Variants in MARVELD3 observed in about 807,000 individuals in gnomAD.
The protein encoded by MARVELD3 is MARVEL domain-containing protein 3.
In MARVELD3, 28 loss-of-function variants were observed where a neutral mutation model predicts 33.5. That is an observed-to-expected ratio of 0.84 (90% CI 0.62 to 1.15). MARVELD3 has a LOEUF of 1.15. Ranked by LOEUF, MARVELD3 falls within the 50% of genes most tolerant of loss-of-function variation. The pLI is 0.00. For missense variants in MARVELD3, 582 were observed against 547.6 expected (o/e 1.06, Z -0.63); for synonymous variants, 241 against 230.4 (o/e 1.05, Z -0.42).
intron 2 of MARVELD3, among the ~76,000 whole-genome samples, chr16:71,630,657 A>G (rs935530762): frequency 1.3e-5 from 2 of 150,178 alleles, no homozygotes; most frequent in Non-Finnish European, 3.0e-5. Flanking sequence ...AAATATATGT[A>G]TATATATATA....
At position 71,626,652 on chromosome 16, in the gene MARVELD3, G is replaced by A. The variant is rs2044475382; in HGVS notation, c.423G>A (p.Pro141=). 6.5e-7 allele frequency: 1 copy of A among 1,533,374 alleles called. No homozygotes were observed. The allele number at this position is 1,533,374 out of a possible 1,614,324, so 95.0% of individuals were successfully genotyped here. ...GPAPWEAPEP[P]QPQRKGDPGR... The stretch of plus-strand genomic sequence containing the variant: ...CGCCCTGGGAAGCCCCGGAGCCGCC[G>A]CAGCCGCAGAGGAAGGGAGACCCCG... The change falls in exon 1 of 3, where the codon CCG becomes CCA. Residue 141 remains proline, a synonymous_variant. Transcript: ENST00000268485. The surrounding 1 kb of genome is among the most constrained non-coding windows in gnomAD (Gnocchi z 5.3).
chr16:71,634,879 T>C lies in MARVELD3; in HGVS notation c.*76T>C. On this transcript the variant is annotated 3_prime_UTR_variant, in exon 3 of 3. Transcript: ENST00000268485. ...AGCCACTGCCTTTCCCAAGAATCCCTTGTTGTGGAAGTTTCCAGTGCTGGA... is the reference window on the plus strand; with the variant it reads ...AGCCACTGCCTTTCCCAAGAATCCCCTGTTGTGGAAGTTTCCAGTGCTGGA... 1 of 1,517,574 alleles carries C rather than the reference T, an allele frequency of 6.6e-7. No homozygotes were observed. The highest frequency in any genetic ancestry group is 2.3e-5 in the East Asian group (1 of 44,076). The allele number at this position is 1,517,574 out of a possible 1,614,324, so 94.0% of individuals were successfully genotyped here. A position where few individuals can be genotyped will look rare whatever the true frequency, so the allele number is the denominator to read the frequency against.
intron 2 of MARVELD3, among the ~76,000 whole-genome samples, chr16:71,630,559 G>A (rs1054172170): frequency 1.3e-5 from 2 of 151,588 alleles, no homozygotes; most frequent in African/African-American, 4.8e-5. Flanking sequence ...GGGAGGCGGA[G>A]GTTGCAGTGA....
chr16:71,633,497 G>A (rs1426025840), intron 2 of MARVELD3, among the ~76,000 whole-genome samples: 1 of 152,058 alleles, frequency 6.6e-6, no homozygotes, highest in African/African-American at 2.4e-5. Context: ...GGGTTCAAGT[G>A]ATTCTCCTAC....
chr16:71,630,655 G>A (rs1330340618), intron 2 of MARVELD3, among the ~76,000 whole-genome samples: 4 of 148,486 alleles, frequency 2.7e-5, no homozygotes, highest in Non-Finnish European at 6.0e-5. Flanking sequence ...TAAAATATAT[G>A]TATATATATA....
Position 71,634,895 on chromosome 16 carries a change from C to T in MARVELD3, c.*92C>T, listed in dbSNP as rs2044569037. Reference sequence around the variant, plus strand: ...AAGAATCCCTTGTTGTGGAAGTTTCCAGTGCTGGAAAAGCAGCGAGCCAGC... The same window carrying T: ...AAGAATCCCTTGTTGTGGAAGTTTCTAGTGCTGGAAAAGCAGCGAGCCAGC... On this transcript the variant is annotated 3_prime_UTR_variant, in exon 3 of 3. Transcript: ENST00000268485. The T allele has an allele frequency of 6.6e-7, 1 of 1,509,658 alleles. No individual in the cohort carries two copies. The highest frequency in any genetic ancestry group is 2.3e-5 in the Admixed American group (1 of 42,606). The allele number at this position is 1,509,658 out of a possible 1,614,324, so 93.5% of individuals were successfully genotyped here.
chr16:71,634,428 T>A lies in MARVELD3; in HGVS notation c.831T>A (p.Ser277Arg). Reference sequence around the variant, plus strand: ...TGGTCACTGTGGCAATGGCCTGTAGTGGAGCCCTCACAGCCCTCTGCTGCC... The same window carrying A: ...TGGTCACTGTGGCAATGGCCTGTAGAGGAGCCCTCACAGCCCTCTGCTGCC... ...LPMVTVAMAC[S>R]GALTALCCLF... Residue 277 changes from serine to arginine, a missense_variant, in exon 3 of 3, where the codon AGT (serine) becomes AGA (arginine). Ser to Arg is a moderately radical substitution (Grantham distance 110). Transcript: ENST00000268485. 1 of 1,614,248 alleles carries A rather than the reference T, an allele frequency of 6.2e-7. No individual in the cohort carries two copies.
At chr16:71,634,138 AG>A in intron 2 of MARVELD3, 54 bp from the exon 3 acceptor site, 2 of 1,552,650 alleles carry the variant, frequency 1.3e-6, no homozygotes, top group Non-Finnish European at 8.7e-7. Flanking sequence ...CAGGTGGAAG[AG>A]TCTCCTGGTG....
chr16:71,640,890 C>G (rs775173002), downstream of MARVELD3: 2 of 1,614,198 alleles, frequency 1.2e-6, no homozygotes, highest in South Asian at 1.1e-5. Flanking sequence ...CTTTGCTTGT[C>G]TTCTCGTGAT....
downstream of MARVELD3, among the ~76,000 whole-genome samples, chr16:71,637,048 T>C (rs553812291): frequency 6.6e-6 from 1 of 152,244 alleles, no homozygotes; most frequent in Admixed American, 6.5e-5. Flanking sequence ...CCCTGCCCCA[T>C]GTGTCTTTCT....
At chr16:71,636,951 C>A (rs1319508897), downstream of MARVELD3, among the ~76,000 whole-genome samples, 1 of 152,200 alleles carries the variant, frequency 6.6e-6, no homozygotes, top group African/African-American at 2.4e-5. Flanking sequence ...CTTCCCTCTA[C>A]CAAACCCTCT....
downstream of MARVELD3, chr16:71,637,991 G>T (rs890460681): frequency 2.0e-5 from 3 of 152,056 alleles, no homozygotes; most frequent in Non-Finnish European, 2.9e-5. Context: ...TTGTCATATT[G>T]TCTGAGGCTT....
intron 2 of MARVELD3, among the ~76,000 whole-genome samples, chr16:71,630,933 G>A (rs545971660): frequency 2.0e-5 from 3 of 152,228 alleles, no homozygotes; most frequent in South Asian, 2.1e-4. Flanking sequence ...CCATTCTAGC[G>A]GTCTTGGCCT....
At position 71,626,196 on chromosome 16, in the gene MARVELD3, A is replaced by G. The variant is rs926805187; in HGVS notation, c.-34A>G. Reference sequence around the variant, plus strand: ...AAGAAACTTGTTGGTTGTTGCCCTCAGGTCGCTCCCGGGCGGGGACACGGA... The same window carrying G: ...AAGAAACTTGTTGGTTGTTGCCCTCGGGTCGCTCCCGGGCGGGGACACGGA... On this transcript the variant is annotated 5_prime_UTR_variant, in exon 1 of 3. Transcript: ENST00000268485. The surrounding 1 kb of genome is among the most constrained non-coding windows in gnomAD (Gnocchi z 5.3). The G allele has an allele frequency of 5.6e-6, 8 of 1,440,238 alleles. No homozygotes were observed. The Admixed American group carries it at 2.3e-4, about 41-fold the overall frequency. 89.2% of individuals were successfully genotyped at this position (1,440,238 alleles called of 1,614,324 possible).
downstream of MARVELD3, chr16:71,638,762 G>A (rs1017444600): frequency 6.6e-6 from 1 of 152,152 alleles, no homozygotes; most frequent in Admixed American, 6.5e-5. Flanking sequence ...AATCTACAGA[G>A]CTCATTTAGG....
chr16:71,638,221 G>GT (rs2044594158), downstream of MARVELD3: 1 of 152,234 alleles, frequency 6.6e-6, no homozygotes, highest in Non-Finnish European at 1.5e-5. Context: ...TCTTCAGTCT[G>GT]TTGGCCTGTT....
chr16:71,635,122 G>T lies in MARVELD3; in HGVS notation c.*319G>T. The T allele has an allele frequency of 1.1e-6, 1 of 925,030 alleles. No homozygotes were observed. The highest frequency in any genetic ancestry group is 1.3e-6 in the Non-Finnish European group (1 of 763,216). 57.3% of individuals were successfully genotyped at this position (925,030 alleles called of 1,614,324 possible). A position where few individuals can be genotyped will look rare whatever the true frequency, so the allele number is the denominator to read the frequency against. On this transcript the variant is annotated 3_prime_UTR_variant, in exon 3 of 3. Coordinates refer to ENST00000268485, the MANE Select transcript of MARVELD3 (RefSeq NM_052858.6). ...GTGGGTGGATCACTTGAGGTCAGGA[G>T]CTCGAGACCAGCTTGGCCAACATGG...
At position 71,634,425 on chromosome 16, in the gene MARVELD3, T is replaced by C. The variant is rs1188849889; in HGVS notation, c.828T>C (p.Cys276=). The change falls in exon 3 of 3, where the codon TGT becomes TGC. Residue 276 remains cysteine, a synonymous_variant. Transcript: ENST00000268485. The part of the protein sequence containing the change: ...KLPMVTVAMA[C]SGALTALCCL... The stretch of plus-strand genomic sequence containing the variant: ...CCATGGTCACTGTGGCAATGGCCTG[T>C]AGTGGAGCCCTCACAGCCCTCTGCT... 3 of 1,614,216 alleles carry C rather than the reference T, an allele frequency of 1.9e-6. No homozygotes were observed. Among genetic ancestry groups the C allele is most frequent in the South Asian group, 2.2e-5 (2 of 91,082 alleles).
downstream of MARVELD3, chr16:71,641,015 TG>T: frequency 6.2e-7 from 1 of 1,601,740 alleles, no homozygotes; most frequent in Non-Finnish European, 8.5e-7. Context: ...ATCTGTGGTC[TG>T]GAACTCTTTG....
Sources: gnomAD v4.1 joint callset for allele counts (sites outside exome capture counted in the v4.1 genomes callset) on GRCh38, gnomAD v4.1.1 for gene constraint, Gnocchi (gnomAD v3.1) non-coding constraint, MANE v1.5 for transcripts, NCBI Gene and HGNC (gene_info 2026-07-23, HGNC 2026-07-21) for gene names.